Variants in ATP11C observed in about 807,000 individuals in gnomAD.
ATP11C encodes the protein phospholipid-transporting ATPase IG.
A neutral mutation model predicts 97.4 loss-of-function variants in ATP11C; 36 were observed. The ratio of observed to expected loss-of-function variants is 0.37; its 90% confidence interval spans 0.28 to 0.49. The LOEUF (loss-of-function observed/expected upper bound fraction) is 0.49. Among genes scored for constraint, ATP11C ranks in the 20% least tolerant of loss-of-function variants. The probability of loss-of-function intolerance (pLI) is 0.98; values close to 1 mark genes in which losing one functional copy is unlikely to be tolerated. For missense variants in ATP11C, 730 were observed against 824.6 expected (o/e 0.89, Z 1.40); for synonymous variants, 275 against 290.9 (o/e 0.95, Z 0.56).
intron 22 of ATP11C, among the ~76,000 whole-genome samples, chrX:139,758,179 C>A (rs1464787285): frequency 8.9e-6 from 1 of 111,994 alleles, no homozygotes; most frequent in Non-Finnish European, 1.9e-5. Context: ...TCTTTAACAC[C>A]AATTAGATTT....
chrX:139,919,242 C>CA (rs1260871133), intron 1 of ATP11C, among the ~76,000 whole-genome samples: 2 of 108,221 alleles, frequency 1.8e-5, no homozygotes, highest in African/African-American at 3.4e-5. Flanking sequence ...GACTCTGTCT[C>CA]AAAAAAACAC....
intron 1 of ATP11C, among the ~76,000 whole-genome samples, chrX:139,887,688 G>A (rs1223968314): frequency 9.1e-6 from 1 of 110,333 alleles, no homozygotes; most frequent in African/African-American, 3.3e-5. Context: ...ACTGCTCTTG[G>A]GCTGGGGGTG....
chrX:139,750,307 C>T (rs1021873703), intron 23 of ATP11C, among the ~76,000 whole-genome samples, 155 bp from the exon 24 acceptor site: 4 of 112,025 alleles, frequency 3.6e-5, no homozygotes, highest in African/African-American at 1.3e-4. Flanking sequence ...AGGTCACTGC[C>T]TAGTAACTAT....
chrX:139,836,835 CCT>C lies in ATP11C; in HGVS notation c.28-10014_28-10013del, dbSNP rs923045627. On this transcript the variant is annotated intron_variant, in intron 1 of 29. Transcript: ENST00000682941. The stretch of plus-strand genomic sequence containing the variant: ...TATTACCCTAGGGAAATTGTTTACT[CCT>C]CTGATAAAACAGAATGAAATCCATT... Among the ~76,000 whole-genome samples, 17 of 111,560 alleles carry C rather than the reference CCT, an allele frequency of 1.5e-4. 1 individual carries two copies. Among genetic ancestry groups the C allele is most frequent in the Non-Finnish European group, 1.5e-4 (8 of 53,169 alleles).
intron 1 of ATP11C, among the ~76,000 whole-genome samples, chrX:139,930,958 A>C (rs1392600251): frequency 1.8e-5 from 2 of 112,554 alleles, no homozygotes; most frequent in African/African-American, 6.5e-5. Flanking sequence ...GATATATTTT[A>C]AGGCAGGTAG....
intron 1 of ATP11C, among the ~76,000 whole-genome samples, chrX:139,850,724 C>A (rs1336183709): frequency 2.7e-5 from 3 of 110,363 alleles, no homozygotes; most frequent in East Asian, 2.9e-4. Flanking sequence ...ACTAGCCTGG[C>A]CAAGATGGTG....
chrX:139,872,689 T>G (rs903954178), intron 1 of ATP11C, among the ~76,000 whole-genome samples: 14 of 111,281 alleles, frequency 1.3e-4, no homozygotes, highest in African/African-American at 4.6e-4. Flanking sequence ...TAAATATTAG[T>G]AACCTGTAGG....
chrX:139,866,343 C>CA (rs57250412), intron 1 of ATP11C, among the ~76,000 whole-genome samples: 2,602 of 27,083 alleles, frequency 0.096, 185 homozygotes, highest in East Asian at 0.23. Flanking sequence ...GACTCTGTCT[C>CA]AAAAAAAAAA....
At chrX:139,738,850 A>C (rs2081498409) in intron 27 of ATP11C, among the ~76,000 whole-genome samples, 1 of 110,557 alleles carries the variant, frequency 9.0e-6, no homozygotes, top group Non-Finnish European at 1.9e-5. Context: ...TGGTTGCTTA[A>C]AGACAGGATG....
chrX:139,830,599 C>T (rs768364970), intron 1 of ATP11C, among the ~76,000 whole-genome samples: 2 of 111,584 alleles, frequency 1.8e-5, no homozygotes, highest in Admixed American at 9.6e-5. Flanking sequence ...TTAAAACCGA[C>T]GTAATCCCTG....
intron 1 of ATP11C, among the ~76,000 whole-genome samples, chrX:139,846,343 A>G (rs2083908434): frequency 8.9e-6 from 1 of 111,928 alleles, no homozygotes; most frequent in Admixed American, 9.5e-5. Context: ...AGTAAGGACC[A>G]CCTCTGGACT....
At chrX:139,857,805 C>T (rs1359909518) in intron 1 of ATP11C, among the ~76,000 whole-genome samples, 1 of 109,374 alleles carries the variant, frequency 9.1e-6, no homozygotes, top group East Asian at 2.8e-4. Context: ...AAAAAAAAAA[C>T]TTTTGGAGCC....
intron 1 of ATP11C, among the ~76,000 whole-genome samples, chrX:139,902,696 T>C (rs1296530879): frequency 9.0e-6 from 1 of 111,393 alleles, no homozygotes; most frequent in Non-Finnish European, 1.9e-5. Flanking sequence ...TGCAGCTATA[T>C]TGCCTGGTGG....
chrX:139,902,111 C>T (rs776189564), intron 1 of ATP11C, among the ~76,000 whole-genome samples: 1 of 111,726 alleles, frequency 9.0e-6, no homozygotes, highest in South Asian at 3.8e-4. Flanking sequence ...TATCTGATTA[C>T]TTCCTTTGGA....
In ATP11C at chrX:139,802,229, T is replaced by C. The variant is rs760486132; in HGVS notation, c.659+7A>G. The stretch of plus-strand genomic sequence containing the variant: ...ACAGAAGTAAAATGAAACCAGGTGA[T>C]TCTTACTTGTAGAGGTCAGGTTGAG... On this transcript the variant is annotated splice_region_variant and intron_variant, in intron 7 of 29. Transcript: ENST00000682941. 5.2e-6 allele frequency: 6 copies of C among 1,158,436 alleles called. No individual in the cohort carries two copies. Among genetic ancestry groups the C allele is most frequent in the Non-Finnish European group, 5.9e-6 (5 of 847,541 alleles).
At chrX:139,810,755 T>C (rs986288955) in intron 5 of ATP11C, among the ~76,000 whole-genome samples, 1 of 111,546 alleles carries the variant, frequency 9.0e-6, no homozygotes, top group African/African-American at 3.3e-5. Context: ...TTGTTCCTCA[T>C]TCTCTGCCCC....
chrX:139,800,086 G>A lies in ATP11C; in HGVS notation c.684C>T (p.Tyr228=), dbSNP rs756037503. ...LYKFVGRINI[Y]SNSLEAVARS... Reference sequence around the variant, plus strand: ...TGGCAACAGCCTCAAGACTATTACTGTAGATATTGATTCGCCCAACAAATC... The same window carrying A: ...TGGCAACAGCCTCAAGACTATTACTATAGATATTGATTCGCCCAACAAATC... Residue 228 remains tyrosine, a synonymous_variant, in exon 8 of 30, where the codon TAC becomes TAT. Transcript: ENST00000682941. 3.1e-5 allele frequency: 36 copies of A among 1,174,919 alleles called. No individual in the cohort carries two copies. Among genetic ancestry groups the A allele is most frequent in the Non-Finnish European group, 4.0e-5 (35 of 877,656 alleles).
At chrX:139,934,552 CTTT>C (rs760781660), upstream of ATP11C, among the ~76,000 whole-genome samples, 3 of 93,718 alleles carry the variant, frequency 3.2e-5, no homozygotes, top group Admixed American at 2.3e-4. Context: ...CTAGCTTTAC[CTTT>C]TTTTTTTTTT....
intron 1 of ATP11C, among the ~76,000 whole-genome samples, chrX:139,930,335 G>C (rs1318710612): frequency 9.4e-6 from 1 of 106,510 alleles, no homozygotes; most frequent in East Asian, 2.9e-4. Flanking sequence ...CAATACTTGA[G>C]TTGTTCGGTT....
Sources: allele counts gnomAD v4.1 joint callset (sites outside exome capture counted in the v4.1 genomes callset), GRCh38; gene constraint gnomAD v4.1.1; transcripts MANE v1.5; gene names NCBI Gene and HGNC (gene_info 2026-07-23, HGNC 2026-07-21).